The following FBLN2 variants were observed in gnomAD, a reference collection of about 807,000 sequenced individuals.
FBLN2 encodes the protein fibulin-2.
A neutral mutation model predicts 123.7 loss-of-function variants in FBLN2; 81 were observed. That is an observed-to-expected ratio of 0.65 (90% CI 0.55 to 0.79). The LOEUF (loss-of-function observed/expected upper bound fraction) is 0.79, where lower values mean the gene tolerates loss of function less well. Ranked by LOEUF, FBLN2 falls within the 30% of genes least tolerant of loss-of-function variation. The pLI is 0.00. For synonymous variants in FBLN2, 699 were observed against 701.4 expected (o/e 1.00, Z 0.05); for missense variants, 1,603 against 1,681.3 (o/e 0.95, Z 0.81).
intron 1 of FBLN2, among the ~76,000 whole-genome samples, chr3:13,559,865 A>G (rs1294623248): frequency 6.6e-6 from 1 of 152,192 alleles, no homozygotes; most frequent in Admixed American, 6.5e-5. Flanking sequence ...CATGTGGAGC[A>G]TGCCTGGGGA....
chr3:13,624,639 C>T (rs1705962747), intron 9 of FBLN2, among the ~76,000 whole-genome samples: 1 of 152,206 alleles, frequency 6.6e-6, no homozygotes, highest in Non-Finnish European at 1.5e-5. Context: ...CTTGTAGACT[C>T]AGCTCGAATG....
In FBLN2 at chr3:13,618,942, G is replaced by A; in HGVS notation, c.1978G>A (p.Ala660Thr). The change falls in exon 7 of 18, where the codon GCA becomes ACA. Residue 660 changes from alanine (A) to threonine (T), a missense_variant. Ala to Thr is a moderately conservative substitution (Grantham distance 58, BLOSUM62 0). Coordinates refer to ENST00000404922, the MANE Select transcript of FBLN2 (RefSeq NM_001004019.2). ...ACAGCCGGAAGCCCCACAGGAGCCT[G>A]CACTGAAGTCAGAATTTTCCCAGGT... ...PPQPEAPQEP[A>T]LKSEFSQVAS... The A allele has an allele frequency of 6.2e-6, 10 of 1,613,472 alleles. No homozygotes were observed. Among genetic ancestry groups the A allele is most frequent in the Non-Finnish European group, 7.6e-6 (9 of 1,179,770 alleles).
Position 13,628,055 on chromosome 3 carries a change from G to A in FBLN2, c.2569+86G>A, listed in dbSNP as rs531273219. 4,475 of 1,497,794 alleles carry A rather than the reference G, an allele frequency of 3.0e-3. 116 individuals carry two copies. The African/African-American group carries it at 0.056, about 19-fold the overall frequency. The allele number at this position is 1,497,794 out of a possible 1,614,324, so 92.8% of individuals were successfully genotyped here. A position where few individuals can be genotyped will look rare whatever the true frequency, so the allele number is the denominator to read the frequency against. ...GGGCTTTTAGGGCTTTAGAGACCAGGGAGGCCTGGCTTGCTGCTCCATTCC... is the reference window on the plus strand; with the variant it reads ...GGGCTTTTAGGGCTTTAGAGACCAGAGAGGCCTGGCTTGCTGCTCCATTCC... On this transcript the variant is annotated intron_variant, in intron 11 of 17. Coordinates refer to ENST00000404922, the MANE Select transcript of FBLN2 (RefSeq NM_001004019.2).
At chr3:13,549,714 A>C (rs1284429108) in intron 1 of FBLN2, among the ~76,000 whole-genome samples, 1 of 150,552 alleles carries the variant, frequency 6.6e-6, no homozygotes, top group Non-Finnish European at 1.5e-5. Context: ...CCACACACGC[A>C]CTCACACAAG....
intron 2 of FBLN2, among the ~76,000 whole-genome samples, chr3:13,606,827 A>AT (rs1475428765): frequency 6.8e-6 from 1 of 147,426 alleles, no homozygotes; most frequent in Non-Finnish European, 1.5e-5. Context: ...GATTTTTTGT[A>AT]TTTTTAGTAG....
chr3:13,579,457 A>G (rs889801580), intron 2 of FBLN2, among the ~76,000 whole-genome samples: 1 of 152,238 alleles, frequency 6.6e-6, no homozygotes, highest in African/African-American at 2.4e-5. Context: ...TGGAGACCCT[A>G]TAGGGCCAGG....
At chr3:13,572,894 G>A (rs192884757) in intron 2 of FBLN2, among the ~76,000 whole-genome samples, 132 of 152,312 alleles carry the variant, frequency 8.7e-4, no homozygotes, top group African/African-American at 3.1e-3. Context: ...AGATCCAGAA[G>A]CCTGGTCTAG....
chr3:13,609,684 C>CCCCTT, intron 4 of FBLN2, 42 bp downstream of exon 4: 1 of 196,566 alleles, frequency 5.1e-6, no homozygotes, highest in Non-Finnish European at 9.5e-6. Context: ...TGGGGTGGGG[C>CCCCTT]GGGGCGGGAG....
At chr3:13,631,856 G>A (rs184856838) in intron 16 of FBLN2, among the ~76,000 whole-genome samples, 75 of 152,306 alleles carry the variant, frequency 4.9e-4, no homozygotes, top group Non-Finnish European at 9.4e-4. Flanking sequence ...CAGGTCTGTG[G>A]ACCCAGAGAG....
chr3:13,599,004 G>A (rs896033936), intron 2 of FBLN2, among the ~76,000 whole-genome samples: 18 of 152,214 alleles, frequency 1.2e-4, no homozygotes, highest in African/African-American at 4.1e-4. Context: ...GTGCAAAGGC[G>A]TAGAACAAGA....
intron 2 of FBLN2, among the ~76,000 whole-genome samples, chr3:13,579,593 T>G (rs111713234): frequency 7.2e-4 from 109 of 152,382 alleles, no homozygotes; most frequent in African/African-American, 2.6e-3. Context: ...CAATGGATCT[T>G]GGAGCTTTTC....
At chr3:13,608,262 G>T in intron 3 of FBLN2, 89 bp downstream of exon 3, 1 of 902,946 alleles carries the variant, frequency 1.1e-6, no homozygotes, top group Non-Finnish European at 1.7e-6. Context: ...CAGGCAGCCC[G>T]GAGAGAGTGC....
chr3:13,597,544 G>A (rs957237044), intron 2 of FBLN2, among the ~76,000 whole-genome samples: 3 of 152,228 alleles, frequency 2.0e-5, no homozygotes, highest in African/African-American at 7.2e-5. Flanking sequence ...TTTCCCTGGT[G>A]CAGTGTTGGT....
chr3:13,551,407 T>C (rs193108919), intron 1 of FBLN2, among the ~76,000 whole-genome samples: 4 of 152,220 alleles, frequency 2.6e-5, no homozygotes, highest in Admixed American at 2.0e-4. Context: ...GAGGCAGGCT[T>C]TATTCATCAC....
chr3:13,625,157 G>C (rs1330183685), intron 9 of FBLN2, among the ~76,000 whole-genome samples: 17 of 150,564 alleles, frequency 1.1e-4, no homozygotes, highest in African/African-American at 3.7e-4. Context: ...GGTGGCCTCT[G>C]TGGCCCTGGG....
At chr3:13,580,012 C>T in intron 2 of FBLN2, among the ~76,000 whole-genome samples, 1 of 152,212 alleles carries the variant, frequency 6.6e-6, no homozygotes, top group East Asian at 1.9e-4. Flanking sequence ...TTTTCCTGCT[C>T]TTAAACTTTT....
At chr3:13,630,901 T>C in intron 15 of FBLN2, 86 bp downstream of exon 15, 1 of 1,009,628 alleles carries the variant, frequency 9.9e-7, no homozygotes, top group Admixed American at 2.2e-5. Flanking sequence ...TGCTGGGCCA[T>C]GGACACAGAA....
intron 2 of FBLN2, among the ~76,000 whole-genome samples, chr3:13,599,359 G>A (rs992896914): frequency 1.3e-5 from 2 of 152,222 alleles, no homozygotes; most frequent in Non-Finnish European, 2.9e-5. Flanking sequence ...AGGCAGCATG[G>A]CAAATGCCAA....
At position 13,570,617 on chromosome 3, in the gene FBLN2, T is replaced by G. The variant is rs773916584; in HGVS notation, c.262T>G (p.Ser88Ala). The G allele has an allele frequency of 6.3e-7, 1 of 1,580,398 alleles. No individual in the cohort carries two copies. The highest frequency in any genetic ancestry group is 1.2e-5 in the South Asian group (1 of 86,780). ...FVRGRVPAGQ[S>A]YFVDFGSTEC... ...GCGCGGCCGCGTGCCCGCCGGTCAG[T>G]CCTATTTTGTGGACTTCGGGAGCAC... Residue 88 changes from serine (S) to alanine (A), a missense_variant, in exon 2 of 18, where the codon TCC (serine) becomes GCC (alanine). Physicochemically the swap from Ser to Ala is moderately conservative, Grantham distance 99. Coordinates refer to ENST00000404922, the MANE Select transcript of FBLN2 (RefSeq NM_001004019.2).
Sources: gnomAD v4.1 joint callset for allele counts (sites outside exome capture counted in the v4.1 genomes callset) on GRCh38, gnomAD v4.1.1 for gene constraint, MANE v1.5 for transcripts, NCBI Gene and HGNC (gene_info 2026-07-23, HGNC 2026-07-21) for gene names.